The following ZFYVE9 variants were observed in gnomAD, a reference collection of about 807,000 sequenced individuals.
ZFYVE9 encodes the protein zinc finger FYVE domain-containing protein 9.
In ZFYVE9, 43 loss-of-function variants were observed where a neutral mutation model predicts 126.7. The observed-to-expected ratio is 0.34, with a 90% CI of 0.27 to 0.44. ZFYVE9 has a LOEUF of 0.44. ZFYVE9 is among the 20% of genes least tolerant of loss of function. ZFYVE9 has a pLI of 1.00. For missense variants in ZFYVE9, 1,476 were observed against 1,697.0 expected, an observed-to-expected ratio of 0.87 and a Z score of 2.29; for synonymous variants, 521 against 597.4, an observed-to-expected ratio of 0.87 and a Z score of 1.87.
chr1:52,210,353 A>G (rs1645015703), intron 1 of ZFYVE9, among the ~76,000 whole-genome samples: 1 of 152,156 alleles, frequency 6.6e-6, no homozygotes, highest in Non-Finnish European at 1.5e-5. Flanking sequence ...AGATGGAGTA[A>G]AACCCCTCTC....
intron 11 of ZFYVE9, among the ~76,000 whole-genome samples, chr1:52,293,949 G>A (rs1645949443): frequency 2.0e-5 from 3 of 152,116 alleles, no homozygotes; most frequent in African/African-American, 7.2e-5. Context: ...TTGAACTTAA[G>A]TAACTTTATT....
At chr1:52,176,491 T>C (rs1007785172) in intron 1 of ZFYVE9, among the ~76,000 whole-genome samples, 1 of 152,214 alleles carries the variant, frequency 6.6e-6, no homozygotes, top group African/African-American at 2.4e-5. Flanking sequence ...TCTCCACCTG[T>C]GTGCTGGGAG....
chr1:52,220,927 T>C (rs557728981), intron 2 of ZFYVE9, among the ~76,000 whole-genome samples: 7 of 152,328 alleles, frequency 4.6e-5, no homozygotes, highest in African/African-American at 1.7e-4. Context: ...ATGGATTCTT[T>C]TGGTGTCCTG....
chr1:52,326,296 G>T (rs1339371711), intron 13 of ZFYVE9, among the ~76,000 whole-genome samples: 1 of 152,168 alleles, frequency 6.6e-6, no homozygotes, highest in East Asian at 1.9e-4. Context: ...TTTTAAGGTT[G>T]CTGTAAGGTT....
At chr1:52,279,099 C>T (rs1201485638) in intron 9 of ZFYVE9, among the ~76,000 whole-genome samples, 1 of 151,958 alleles carries the variant, frequency 6.6e-6, no homozygotes, top group Non-Finnish European at 1.5e-5. Flanking sequence ...ATGATATATC[C>T]CAGAGGACAG....
intron 1 of ZFYVE9, among the ~76,000 whole-genome samples, chr1:52,151,689 G>C (rs1312991565): frequency 1.3e-5 from 2 of 151,464 alleles, no homozygotes; most frequent in East Asian, 2.0e-4. Context: ...CTAATTTTTT[G>C]TATTTTTAGT....
At chr1:52,326,318 G>A (rs1248046407) in intron 13 of ZFYVE9, among the ~76,000 whole-genome samples, 1 of 152,204 alleles carries the variant, frequency 6.6e-6, no homozygotes, top group Non-Finnish European at 1.5e-5. Context: ...AGTAGGCAGG[G>A]TAGGGAAGAT....
chr1:52,153,170 T>A (rs1343890826), intron 1 of ZFYVE9, among the ~76,000 whole-genome samples: 1 of 152,210 alleles, frequency 6.6e-6, no homozygotes, highest in Non-Finnish European at 1.5e-5. Flanking sequence ...CTAACCAAAC[T>A]CCTTGGACCT....
Position 52,346,338 on chromosome 1 carries a change from G to GA in ZFYVE9, c.*119dup, listed in dbSNP as rs1294188604. ...TTGTTAACACTATTAATGGGGTGGG[G>GA]AATAGGGTGGGAGTGGGGGTTTGGG... On this transcript the variant is annotated 3_prime_UTR_variant, in exon 19 of 19. Coordinates refer to ENST00000287727, the MANE Select transcript of ZFYVE9 (RefSeq NM_004799.4). The GA allele has an allele frequency of 3.3e-6, 1 of 302,818 alleles. No individual in the cohort carries two copies. Among genetic ancestry groups the GA allele is most frequent in the South Asian group, 3.8e-5 (1 of 26,620 alleles). 18.8% of individuals were successfully genotyped at this position (302,818 alleles called of 1,614,324 possible). A position where few individuals can be genotyped will look rare whatever the true frequency, so the allele number is the denominator to read the frequency against.
intron 1 of ZFYVE9, among the ~76,000 whole-genome samples, chr1:52,201,581 G>C (rs1053144110): frequency 6.6e-6 from 1 of 151,626 alleles, no homozygotes; most frequent in Non-Finnish European, 1.5e-5. Flanking sequence ...GTTTCACTCT[G>C]TTGGCCAGGC....
intron 2 of ZFYVE9, among the ~76,000 whole-genome samples, chr1:52,223,049 G>A (rs528514466): frequency 1.6e-4 from 25 of 152,180 alleles, no homozygotes; most frequent in Admixed American, 1.2e-3. Context: ...TAGGGAAAGC[G>A]AGCTGCTCCT....
Position 52,238,621 on chromosome 1 carries a change from T to C in ZFYVE9, c.1204T>C (p.Trp402Arg), listed in dbSNP as rs1272979533. 1.2e-6 allele frequency: 2 copies of C among 1,614,024 alleles called. No individual in the cohort carries two copies. The highest frequency in any genetic ancestry group is 2.2e-5 in the East Asian group (1 of 44,870). Residue 402 changes from tryptophan (W) to arginine (R), a missense_variant, in exon 4 of 19, where the codon TGG becomes CGG. By Grantham distance (101) the Trp-to-Arg change is moderately radical. Around this residue, in one of 2 missense-constraint regions of ZFYVE9, gnomAD observed 807 missense variants for 794.6 expected, o/e 1.02. Transcript: ENST00000287727. ...HFSESQDMTNWKLTKLNEMND... is the reference protein window; with the variant it reads ...HFSESQDMTNRKLTKLNEMND... Reference sequence around the variant, plus strand: ...CTCTGAATCTCAGGACATGACTAATTGGAAGTTGACTAAACTAAATGAGAT... The same window carrying C: ...CTCTGAATCTCAGGACATGACTAATCGGAAGTTGACTAAACTAAATGAGAT...
In ZFYVE9 at chr1:52,274,547, C is replaced by G. The variant is rs768289157; in HGVS notation, c.2709C>G (p.Gly903=). The G allele has an allele frequency of 1.9e-6, 3 of 1,612,406 alleles. No homozygotes were observed. The highest frequency in any genetic ancestry group is 2.5e-6 in the Non-Finnish European group (3 of 1,178,940). Residue 903 remains glycine (G), a synonymous_variant, in exon 8 of 19, where the codon GGC becomes GGG. Transcript: ENST00000287727. The part of the protein sequence containing the change: ...GSAMNLIPED[G]LPPILISTGV... ...CAATGAATCTTATTCCTGAAGATGG[C>G]CTTCCTCCCATTCTCATCTCCACTG...
intron 2 of ZFYVE9, among the ~76,000 whole-genome samples, chr1:52,231,915 C>T (rs1027574445): frequency 3.9e-5 from 6 of 152,232 alleles, no homozygotes; most frequent in South Asian, 4.1e-4. Context: ...GCATGAGCCA[C>T]GACGCCTGGC....
chr1:52,325,695 T>C (rs1241002693), intron 13 of ZFYVE9, among the ~76,000 whole-genome samples: 1 of 152,240 alleles, frequency 6.6e-6, no homozygotes, highest in Non-Finnish European at 1.5e-5. Context: ...TACTAACTAG[T>C]ATATTCAGCA....
At chr1:52,271,375 G>A (rs1018073578) in intron 7 of ZFYVE9, among the ~76,000 whole-genome samples, 1 of 152,134 alleles carries the variant, frequency 6.6e-6, no homozygotes. Context: ...TTATGGTCTA[G>A]TAGAGTGCCT....
intron 10 of ZFYVE9, among the ~76,000 whole-genome samples, chr1:52,287,832 A>C (rs1645877557): frequency 6.6e-6 from 1 of 152,164 alleles, no homozygotes; most frequent in Admixed American, 6.5e-5. Flanking sequence ...GCACCACTGC[A>C]TTACAGCTTG....
chr1:52,269,831 AGGCTCCAGTATAGTGCCGCAGACAT>A (rs1415797861), intron 7 of ZFYVE9, among the ~76,000 whole-genome samples: 2 of 151,254 alleles, frequency 1.3e-5, no homozygotes, highest in African/African-American at 2.4e-5. Context: ...TCTATCGCCC[AGGCTCCAGTATAGTGCCGCAGACAT>A]GGCTCTCTGC....
chr1:52,326,434 ACT>A (rs1176005893), intron 13 of ZFYVE9, among the ~76,000 whole-genome samples: 2 of 152,112 alleles, frequency 1.3e-5, no homozygotes, highest in South Asian at 2.1e-4. Context: ...AACTCTCATA[ACT>A]CTATGAAATA....
Sources: allele counts gnomAD v4.1 joint callset (sites outside exome capture counted in the v4.1 genomes callset), GRCh38; gene constraint gnomAD v4.1.1; regional missense constraint gnomAD v4.1.1; transcripts MANE v1.5; gene names NCBI Gene and HGNC (gene_info 2026-07-23, HGNC 2026-07-21).